PNPT1: variants seen among roughly 807,000 people sequenced by gnomAD.
PNPT1 encodes the protein polyribonucleotide nucleotidyltransferase 1, mitochondrial.
PNPT1 carries 53 observed loss-of-function variants against 119.5 expected under a neutral mutation model. The observed-to-expected ratio is 0.44, with a 90% CI of 0.36 to 0.56. The LOEUF is 0.56. Among genes scored for constraint, PNPT1 ranks in the 20% least tolerant of loss-of-function variants. The pLI is 0.00. For missense variants in PNPT1, 948 were observed against 938.5 expected (o/e 1.01, Z -0.13); for synonymous variants, 357 against 322.1 (o/e 1.11, Z -1.16).
rs370307663 is a variant in PNPT1 at position 55,693,653 on chromosome 2, C to G, written c.161+10G>C. 4.3e-6 allele frequency: 7 copies of G among 1,613,878 alleles called. No individual in the cohort carries two copies. The African/African-American group carries it at 8.0e-5, about 18-fold the overall frequency. On this transcript the variant is annotated intron_variant, in intron 1 of 27. Coordinates refer to ENST00000447944, the MANE Select transcript of PNPT1 (RefSeq NM_033109.5). Reference sequence around the variant, plus strand: ...TTATGACAATACAGTGAACGCACGTCACTCCTTACCTGTTGCCTAAGTCCA... The same window carrying G: ...TTATGACAATACAGTGAACGCACGTGACTCCTTACCTGTTGCCTAAGTCCA...
At chr2:55,679,887 T>G in intron 7 of PNPT1, 92 bp from the exon 8 acceptor site, 1 of 823,568 alleles carries the variant, frequency 1.2e-6, no homozygotes, top group Non-Finnish European at 1.9e-6. Context: ...CATCTTTGAT[T>G]GTGACCACAG....
In PNPT1 at chr2:55,683,748, T is replaced by C. The variant is rs1475161829; in HGVS notation, c.453+37A>G. ...CAGAGATTCATTAAGTAATTTTTGATTGATCTGGCAACTAAAAAACCTAAA... is the reference window on the plus strand; with the variant it reads ...CAGAGATTCATTAAGTAATTTTTGACTGATCTGGCAACTAAAAAACCTAAA... On this transcript the variant is annotated intron_variant, in intron 5 of 27. Coordinates refer to ENST00000447944, the MANE Select transcript of PNPT1 (RefSeq NM_033109.5). The C allele has an allele frequency of 3.8e-6, 6 of 1,558,902 alleles. No individual in the cohort carries two copies. In the African/African-American group the frequency reaches 6.8e-5, roughly 18 times the overall value.
intron 1 of PNPT1, 144 bp from the exon 2 acceptor site, chr2:55,687,849 T>A: frequency 1.7e-6 from 1 of 577,668 alleles, no homozygotes; most frequent in South Asian, 2.5e-5. Context: ...GAATCCATGA[T>A]CATTATCAAA....
At chr2:55,683,230 A>G (rs750335850) in intron 5 of PNPT1, among the ~76,000 whole-genome samples, 5 of 152,118 alleles carry the variant, frequency 3.3e-5, no homozygotes, top group Non-Finnish European at 7.3e-5. Flanking sequence ...TGGGCTTTCA[A>G]TGCTTCCCTG....
chr2:55,682,460 CA>C (rs796742631), intron 5 of PNPT1, among the ~76,000 whole-genome samples: 31 of 135,304 alleles, frequency 2.3e-4, no homozygotes, highest in African/African-American at 3.6e-4. Flanking sequence ...GACTCTGTCT[CA>C]AAAAAAAAAA....
intron 13 of PNPT1, among the ~76,000 whole-genome samples, chr2:55,663,760 C>T (rs1696651240): frequency 6.6e-6 from 1 of 151,984 alleles, no homozygotes; most frequent in Admixed American, 6.6e-5. Flanking sequence ...AGGTGAATCA[C>T]GAGGTCAGGA....
chr2:55,667,820 G>A, intron 12 of PNPT1, 42 bp downstream of exon 12: 1 of 1,575,172 alleles, frequency 6.3e-7, no homozygotes, highest in Non-Finnish European at 8.6e-7. Context: ...AACTTGCAGA[G>A]ACAGTGCATA....
At chr2:55,676,711 A>C (rs527410570) in intron 8 of PNPT1, among the ~76,000 whole-genome samples, 1 of 152,010 alleles carries the variant, frequency 6.6e-6, no homozygotes, top group East Asian at 1.9e-4. Context: ...AAAACACAAA[A>C]ATTAGCCAGG....
intron 1 of PNPT1, among the ~76,000 whole-genome samples, chr2:55,691,861 TA>T (rs1697612405): frequency 2.4e-5 from 1 of 41,186 alleles, no homozygotes; most frequent in Non-Finnish European, 5.4e-5. Flanking sequence ...TATATATATA[TA>T]TATATATATA....
intron 1 of PNPT1, among the ~76,000 whole-genome samples, chr2:55,691,162 C>G (rs1200528396): frequency 1.3e-5 from 2 of 152,174 alleles, no homozygotes; most frequent in African/African-American, 4.8e-5. Flanking sequence ...AGCTACAGTT[C>G]TACTCTACTA....
chr2:55,663,416 T>C (rs542440126), intron 13 of PNPT1, among the ~76,000 whole-genome samples: 7 of 152,264 alleles, frequency 4.6e-5, no homozygotes, highest in Non-Finnish European at 8.8e-5. Flanking sequence ...GCAGTTGCAA[T>C]TCTAGAAGAA....
intron 15 of PNPT1, among the ~76,000 whole-genome samples, chr2:55,657,666 A>T (rs1050916809): frequency 1.3e-5 from 2 of 151,530 alleles, no homozygotes; most frequent in African/African-American, 4.8e-5. Flanking sequence ...GATTACAGGC[A>T]TGAGCCACCG....
chr2:55,658,017 T>G (rs1317157685), intron 15 of PNPT1, among the ~76,000 whole-genome samples: 1 of 151,634 alleles, frequency 6.6e-6, no homozygotes, highest in African/African-American at 2.4e-5. Flanking sequence ...GCAGGCAGAC[T>G]GCTTGAGCCC....
In PNPT1 at chr2:55,667,971, G is replaced by C. The variant is rs200689366; in HGVS notation, c.977-13C>G. 5.7e-6 allele frequency: 9 copies of C among 1,568,948 alleles called. No individual in the cohort carries two copies. Among genetic ancestry groups the C allele is most frequent in the Non-Finnish European group, 7.7e-6 (9 of 1,165,066 alleles). ...TCTGGAAATTTTTCTATAGAAAAAA[G>C]ACAAACCAAAACAAAGATTTTTACT... On this transcript the variant is annotated splice_polypyrimidine_tract_variant and intron_variant, in intron 11 of 27. Coordinates refer to ENST00000447944, the MANE Select transcript of PNPT1 (RefSeq NM_033109.5).
At chr2:55,641,647 GA>G (rs1695836820) in intron 25 of PNPT1, among the ~76,000 whole-genome samples, 1 of 152,092 alleles carries the variant, frequency 6.6e-6, no homozygotes, top group East Asian at 1.9e-4. Flanking sequence ...TCTAATCTAT[GA>G]AAATAAGCCA....
chr2:55,641,846 C>CTTT (rs202103021), intron 25 of PNPT1, among the ~76,000 whole-genome samples: 1 of 143,114 alleles, frequency 7.0e-6, no homozygotes, highest in Non-Finnish European at 1.5e-5. Context: ...CTGAAATTGG[C>CTTT]TTTTTTTTTT....
At chr2:55,656,395 A>G in intron 15 of PNPT1, 24 bp from the exon 16 acceptor site, 1 of 1,543,296 alleles carries the variant, frequency 6.5e-7, no homozygotes, top group Non-Finnish European at 8.8e-7. Flanking sequence ...AAACACAAAC[A>G]CACATATACA....
chr2:55,669,300 T>A (rs1696833580), intron 11 of PNPT1, among the ~76,000 whole-genome samples: 1 of 152,232 alleles, frequency 6.6e-6, no homozygotes, highest in Non-Finnish European at 1.5e-5. Flanking sequence ...GGTTTTATTT[T>A]ATTTTATTTT....
chr2:55,688,349 A>G (rs1697484697), intron 1 of PNPT1, among the ~76,000 whole-genome samples: 1 of 152,068 alleles, frequency 6.6e-6, no homozygotes. Context: ...TCCATTTACC[A>G]TCTTAGTACA....
Sources: gnomAD v4.1 joint callset for allele counts (sites outside exome capture counted in the v4.1 genomes callset) on GRCh38, gnomAD v4.1.1 for gene constraint, MANE v1.5 for transcripts, NCBI Gene and HGNC (gene_info 2026-07-23, HGNC 2026-07-21) for gene names.